The following DZIP3 variants were observed in gnomAD, a reference collection of about 807,000 sequenced individuals.
DZIP3 encodes the protein DAZ interacting zinc finger protein 3.
In DZIP3, 118 loss-of-function variants were observed where a neutral mutation model predicts 162.0. The observed-to-expected ratio is 0.73, with a 90% CI of 0.63 to 0.85. The LOEUF is 0.85. Among genes scored for constraint, DZIP3 ranks in the 40% least tolerant of loss-of-function variants. DZIP3 has a pLI of 0.00. For synonymous variants in DZIP3, 438 were observed against 458.6 expected (o/e 0.96, Z 0.57); for missense variants, 1,331 against 1,407.0 (o/e 0.95, Z 0.86).
chr3:108,629,680 A>T (rs1220273355), intron 8 of DZIP3, among the ~76,000 whole-genome samples: 1 of 151,990 alleles, frequency 6.6e-6, no homozygotes. Context: ...TTAAGTTGTG[A>T]TGTTGTGCAC....
At chr3:108,631,631 C>G (rs1296994419) in intron 8 of DZIP3, among the ~76,000 whole-genome samples, 1 of 143,384 alleles carries the variant, frequency 7.0e-6, no homozygotes, top group Non-Finnish European at 1.5e-5. Flanking sequence ...AGTATGTTGC[C>G]CAGGCTGCTC....
At chr3:108,686,420 G>C (rs1385580355) in intron 27 of DZIP3, 25 bp from the exon 28 acceptor site, 12 of 1,527,480 alleles carry the variant, frequency 7.9e-6, no homozygotes. Flanking sequence ...AAACCTGCTG[G>C]GCTATAGCTC....
At chr3:108,619,894 GA>G (rs1391201219) in intron 5 of DZIP3, among the ~76,000 whole-genome samples, 12 of 146,648 alleles carry the variant, frequency 8.2e-5, no homozygotes, top group African/African-American at 2.2e-4. Context: ...CATTACTCCA[GA>G]ACATATTAAA....
intron 13 of DZIP3, among the ~76,000 whole-genome samples, chr3:108,643,740 T>G (rs892228189): frequency 1.3e-5 from 2 of 152,058 alleles, no homozygotes; most frequent in Non-Finnish European, 2.9e-5. Flanking sequence ...TAAAACATTT[T>G]ATCACATGAC....
chr3:108,606,048 T>C (rs1236745598), intron 2 of DZIP3, among the ~76,000 whole-genome samples: 1 of 152,234 alleles, frequency 6.6e-6, no homozygotes, highest in Non-Finnish European at 1.5e-5. Flanking sequence ...CTCACAAAAA[T>C]GTTTTATGAT....
In DZIP3 at chr3:108,676,414, A is replaced by G. The variant is rs560507670; in HGVS notation, c.2781+541A>G. On this transcript the variant is annotated intron_variant, in intron 25 of 32. Transcript: ENST00000361582. ...TCAAGTAGGCCTGTATTTGTTTTCA[A>G]TCTAACTTTTTATGTAATTATTCCA... Among the ~76,000 whole-genome samples, 14 of 152,210 alleles carry G rather than the reference A, an allele frequency of 9.2e-5. No homozygotes were observed. The South Asian group carries it at 2.5e-3, about 27-fold the overall frequency.
At chr3:108,603,405 A>C (rs758069563) in intron 1 of DZIP3, among the ~76,000 whole-genome samples, 3 of 152,206 alleles carry the variant, frequency 2.0e-5, no homozygotes, top group African/African-American at 4.8e-5. Context: ...GACAAGGTTT[A>C]TTCAACCTCT....
At position 108,607,947 on chromosome 3, in the gene DZIP3, T is replaced by G. The variant is rs1166198650; in HGVS notation, c.33-142T>G. ...TTTAACATGAGTCTCTAAAGAGATATGGCACCTACCACCATTACCAGTCTT... is the reference window on the plus strand; with the variant it reads ...TTTAACATGAGTCTCTAAAGAGATAGGGCACCTACCACCATTACCAGTCTT... On this transcript the variant is annotated intron_variant, in intron 2 of 32. Transcript: ENST00000361582. The G allele has an allele frequency of 1.1e-5, 8 of 696,222 alleles. No homozygotes were observed. In the East Asian group the frequency reaches 1.9e-4, roughly 16 times the overall value. The allele number at this position is 696,222 out of a possible 1,614,324, so 43.1% of individuals were successfully genotyped here.
At chr3:108,672,766 A>T (rs1943971768) in intron 23 of DZIP3, 110 bp downstream of exon 23, 1 of 871,780 alleles carries the variant, frequency 1.1e-6, no homozygotes, top group Non-Finnish European at 1.8e-6. Flanking sequence ...CAGAAATAAG[A>T]CATCTTAGGA....
At chr3:108,685,540 C>CT (rs930526154) in intron 27 of DZIP3, among the ~76,000 whole-genome samples, 8 of 152,034 alleles carry the variant, frequency 5.3e-5, no homozygotes, top group African/African-American at 9.7e-5. Context: ...CAAAAATACT[C>CT]TGTTATTATA....
intron 9 of DZIP3, 85 bp downstream of exon 9, chr3:108,633,157 T>C: frequency 1.6e-6 from 1 of 622,152 alleles, no homozygotes; most frequent in Non-Finnish European, 2.1e-6. Flanking sequence ...AATTATATTA[T>C]GTATAAAATA....
chr3:108,631,585 T>C (rs1440963305), intron 8 of DZIP3, among the ~76,000 whole-genome samples: 1 of 30,562 alleles, frequency 3.3e-5, no homozygotes, highest in Admixed American at 3.3e-4. Flanking sequence ...ATTATTCCCT[T>C]TTTTTTTTTT....
chr3:108,626,877 A>T lies in DZIP3; in HGVS notation c.581+908A>T, dbSNP rs182647619. Among the ~76,000 whole-genome samples, 148 of 152,334 alleles carry T rather than the reference A, an allele frequency of 9.7e-4. 1 individual carries two copies. Among genetic ancestry groups the T allele is most frequent in the African/African-American group, 3.0e-3 (126 of 41,570 alleles). On this transcript the variant is annotated intron_variant, in intron 7 of 32. Coordinates refer to ENST00000361582, the MANE Select transcript of DZIP3 (RefSeq NM_014648.4). Reference sequence around the variant, plus strand: ...ACAATGTTTGACTAAGATCTGAGGGATGAATTTGGAAAAGTTTGCTTGGGC... The same window carrying T: ...ACAATGTTTGACTAAGATCTGAGGGTTGAATTTGGAAAAGTTTGCTTGGGC...
chr3:108,631,055 A>ACACACACACACACACAGACACTCT, intron 8 of DZIP3, among the ~76,000 whole-genome samples: 1 of 18,014 alleles, frequency 5.6e-5, no homozygotes, highest in South Asian at 2.3e-3. Flanking sequence ...ACACACACAC[A>ACACACACACACACACAGACACTCT]CTCTCTCTCT....
In DZIP3 at chr3:108,631,055, A is replaced by ACACACACACACACACTCT; in HGVS notation, c.696+1880_696+1881insACACACACACACACTCTC. ...CACACACACACACACACACACACAC[A>ACACACACACACACACTCT]CTCTCTCTCTCTCTCTCTCTCTCTC... On this transcript the variant is annotated intron_variant, in intron 8 of 32. Transcript: ENST00000361582. 1.4e-3 allele frequency among the ~76,000 whole-genome samples: 25 copies of ACACACACACACACACTCT among 18,010 alleles called. 1 individual carries two copies. The highest frequency in any genetic ancestry group is 2.5e-3 in the African/African-American group (9 of 3,554). The allele number at this position is 18,010 out of a possible 152,430, so 11.8% of individuals were successfully genotyped here.
intron 21 of DZIP3, among the ~76,000 whole-genome samples, chr3:108,663,858 A>G (rs1161587285): frequency 6.6e-6 from 1 of 152,234 alleles, no homozygotes; most frequent in East Asian, 1.9e-4. Context: ...CTACTATATT[A>G]GAAAACTTAT....
Position 108,684,232 on chromosome 3 carries a change from G to T in DZIP3, c.2900G>T (p.Gly967Val). The change falls in exon 27 of 33, where the codon GGA (glycine) becomes GTA (valine). Residue 967 changes from glycine (G) to valine (V), a missense_variant. Physicochemically the swap from Gly to Val is moderately radical, Grantham distance 109. Transcript: ENST00000361582. ...SPEILMQQFLGRPLVKESFFR... is the reference protein window; with the variant it reads ...SPEILMQQFLVRPLVKESFFR... Reference sequence around the variant, plus strand: ...CTATTTTAGATGCAGCAGTTCTTAGGAAGACCTCTTGTGAAAGAATCTTTC... The same window carrying T: ...CTATTTTAGATGCAGCAGTTCTTAGTAAGACCTCTTGTGAAAGAATCTTTC... 1 of 1,611,308 alleles carries T rather than the reference G, an allele frequency of 6.2e-7. No individual in the cohort carries two copies. Among genetic ancestry groups the T allele is most frequent in the South Asian group, 1.1e-5 (1 of 90,720 alleles).
intron 19 of DZIP3, among the ~76,000 whole-genome samples, chr3:108,660,842 C>G (rs1943390798): frequency 6.6e-6 from 1 of 152,188 alleles, no homozygotes; most frequent in Admixed American, 6.5e-5. Flanking sequence ...ACAGACACTT[C>G]TCAAAAGAAC....
intron 10 of DZIP3, among the ~76,000 whole-genome samples, chr3:108,635,603 A>G (rs1398854921): frequency 7.2e-6 from 1 of 138,750 alleles, no homozygotes; most frequent in Non-Finnish European, 1.6e-5. Context: ...CTACATAATT[A>G]TATATAACTA....
Sources: allele counts gnomAD v4.1 joint callset (sites outside exome capture counted in the v4.1 genomes callset), GRCh38; gene constraint gnomAD v4.1.1; transcripts MANE v1.5; gene names NCBI Gene and HGNC (gene_info 2026-07-23, HGNC 2026-07-21).